PTPRB: variants seen among roughly 807,000 people sequenced by gnomAD.
PTPRB encodes the protein protein tyrosine phosphatase receptor type B.
A neutral mutation model predicts 238.1 loss-of-function variants in PTPRB; 97 were observed. The observed-to-expected ratio is 0.41, with a 90% CI of 0.35 to 0.48. The LOEUF is 0.48. Ranked by LOEUF, PTPRB falls within the 20% of genes least tolerant of loss-of-function variation. PTPRB has a pLI of 0.30. For missense variants in PTPRB, 2,292 were observed against 2,681.9 expected (o/e 0.85, Z 3.21); for synonymous variants, 970 against 995.4 (o/e 0.97, Z 0.48).
At chr12:70,524,654 C>T in intron 32 of PTPRB, 63 bp from the exon 33 acceptor site, 2 of 1,483,482 alleles carry the variant, frequency 1.3e-6, no homozygotes, top group Non-Finnish European at 1.8e-6. Flanking sequence ...AGATGAGAAA[C>T]TCACAAACTG....
chr12:70,577,524 T>C (rs928432901), intron 10 of PTPRB, among the ~76,000 whole-genome samples: 26 of 152,224 alleles, frequency 1.7e-4, no homozygotes, highest in African/African-American at 5.8e-4. Context: ...GCCCATTAAA[T>C]AGTACTGCCA....
At chr12:70,568,581 G>A (rs1879615992) in intron 14 of PTPRB, among the ~76,000 whole-genome samples, 1 of 152,226 alleles carries the variant, frequency 6.6e-6, no homozygotes, top group Non-Finnish European at 1.5e-5. Flanking sequence ...ACAGGCGTGA[G>A]CTACCGCGCC....
intron 11 of PTPRB, among the ~76,000 whole-genome samples, chr12:70,574,394 A>G (rs1880458102): frequency 1.3e-5 from 2 of 152,240 alleles, no homozygotes; most frequent in Non-Finnish European, 2.9e-5. Flanking sequence ...CCTAAAACCA[A>G]TTACAGTGTT....
intron 18 of PTPRB, chr12:70,559,137 G>A (rs935547011): frequency 1.6e-6 from 1 of 620,010 alleles, no homozygotes; most frequent in Admixed American, 2.9e-5. Context: ...CTAATTGTAA[G>A]CCCCATGAGG....
chr12:70,589,931 T>A, intron 8 of PTPRB, 33 bp downstream of exon 8: 1 of 1,594,004 alleles, frequency 6.3e-7, no homozygotes, highest in South Asian at 1.1e-5. Context: ...AAATTACTCT[T>A]CCATTGGTAT....
chr12:70,555,736 G>A, intron 19 of PTPRB, 134 bp downstream of exon 19: 8 of 1,141,992 alleles, frequency 7.0e-6, no homozygotes, highest in Non-Finnish European at 9.7e-6. Flanking sequence ...TCCTCTCCAG[G>A]TGGCAATCAG....
At chr12:70,605,378 C>T (rs1055896419) in intron 4 of PTPRB, among the ~76,000 whole-genome samples, 18 of 152,144 alleles carry the variant, frequency 1.2e-4, no homozygotes, top group African/African-American at 2.2e-4. Context: ...ACTCATCATC[C>T]GTGCCCAGAT....
chr12:70,554,018 A>G (rs1000499928), intron 20 of PTPRB, among the ~76,000 whole-genome samples: 2 of 152,200 alleles, frequency 1.3e-5, no homozygotes, highest in Admixed American at 1.3e-4. Context: ...GTAGCAAAAC[A>G]CTGTCTTCAT....
chr12:70,617,198 A>C (rs1884716471), intron 3 of PTPRB, among the ~76,000 whole-genome samples: 1 of 152,240 alleles, frequency 6.6e-6, no homozygotes, highest in South Asian at 2.1e-4. Flanking sequence ...AAAATCCTTG[A>C]GATTTTCAGG....
intron 3 of PTPRB, among the ~76,000 whole-genome samples, chr12:70,615,550 G>C (rs1884640860): frequency 1.3e-5 from 2 of 152,134 alleles, no homozygotes; most frequent in East Asian, 1.9e-4. Context: ...TTTTGTTATA[G>C]CTCTGTAACT....
chr12:70,563,019 G>A lies in PTPRB; in HGVS notation c.3993C>T (p.Ser1331=), dbSNP rs35853409. ...GGTTGTACAAAAAGATGTTGTACCA[G>A]CTGAGCTCCCCCTCTGAGGCGGTCC... ...FRWTASEGEL[S]WYNIFLYNPD... Residue 1331 remains serine (S), a synonymous_variant, in exon 16 of 34, where the codon AGC becomes AGT. Transcript: ENST00000334414. 1 of 1,613,968 alleles carries A rather than the reference G, an allele frequency of 6.2e-7. No individual in the cohort carries two copies. Among genetic ancestry groups the A allele is most frequent in the Non-Finnish European group, 8.5e-7 (1 of 1,179,872 alleles).
intron 29 of PTPRB, among the ~76,000 whole-genome samples, chr12:70,535,191 C>G (rs1222374486): frequency 6.7e-6 from 1 of 148,336 alleles, no homozygotes; most frequent in Non-Finnish European, 1.5e-5. Context: ...TTTGGGTTCA[C>G]TCATTTTTTA....
chr12:70,617,855 G>A (rs1228166832), intron 3 of PTPRB, among the ~76,000 whole-genome samples: 1 of 152,062 alleles, frequency 6.6e-6, no homozygotes, highest in East Asian at 1.9e-4. Context: ...GAGCAAGGGT[G>A]GGTGGGCAGG....
chr12:70,629,664 T>C (rs1364415930), intron 2 of PTPRB, among the ~76,000 whole-genome samples: 3 of 152,174 alleles, frequency 2.0e-5, no homozygotes, highest in African/African-American at 7.2e-5. Flanking sequence ...GGAGCTGTTA[T>C]TTTGAAAACA....
At chr12:70,564,354 A>G (rs767717100) in intron 15 of PTPRB, among the ~76,000 whole-genome samples, 5 of 151,852 alleles carry the variant, frequency 3.3e-5, no homozygotes, top group African/African-American at 7.3e-5. Flanking sequence ...TCTACTAAAA[A>G]TATAAAAATT....
Position 70,571,817 on chromosome 12 carries a change from C to T in PTPRB, c.3106+7G>A, listed in dbSNP as rs1170424317. 5 of 1,603,458 alleles carry T rather than the reference C, an allele frequency of 3.1e-6. No individual in the cohort carries two copies. Among genetic ancestry groups the T allele is most frequent in the Admixed American group, 3.4e-5 (2 of 58,358 alleles). On this transcript the variant is annotated splice_region_variant and intron_variant, in intron 12 of 33. Transcript: ENST00000334414. ...CAACTGTCAGATTTTGCAATCGTTCCACTTACTTGTTCTCCCATTCCCTTG... is the reference window on the plus strand; with the variant it reads ...CAACTGTCAGATTTTGCAATCGTTCTACTTACTTGTTCTCCCATTCCCTTG...
At chr12:70,595,257 A>G (rs1413863016) in intron 5 of PTPRB, among the ~76,000 whole-genome samples, 1 of 152,024 alleles carries the variant, frequency 6.6e-6, no homozygotes, top group African/African-American at 2.4e-5. Flanking sequence ...ATGAGAACAC[A>G]TGGACACAGG....
At chr12:70,526,187 A>T (rs1336369538) in intron 32 of PTPRB, among the ~76,000 whole-genome samples, 1 of 152,142 alleles carries the variant, frequency 6.6e-6, no homozygotes, top group Non-Finnish European at 1.5e-5. Flanking sequence ...AATAGATAAG[A>T]ACATTTAATT....
At position 70,555,892 on chromosome 12, in the gene PTPRB, G is replaced by A. The variant is rs1360801891; in HGVS notation, c.4971C>T (p.Asp1657=). Residue 1657 remains aspartate (D), a synonymous_variant, in exon 19 of 34, where the codon GAC becomes GAT. Transcript: ENST00000334414. ...TACGGTCTATCATTGTGATAGTGCT[G>A]TCTTCAACCACCTCGCTGGTCATGC... ...SAGMTSEVVE[D]STITMIDRPP... 1.2e-6 allele frequency: 2 copies of A among 1,612,762 alleles called. No individual in the cohort carries two copies. Among genetic ancestry groups the A allele is most frequent in the East Asian group, 2.2e-5 (1 of 44,888 alleles).
Sources: gnomAD v4.1 joint callset for allele counts (sites outside exome capture counted in the v4.1 genomes callset) on GRCh38, gnomAD v4.1.1 for gene constraint, MANE v1.5 for transcripts, NCBI Gene and HGNC (gene_info 2026-07-23, HGNC 2026-07-21) for gene names.